Variants in NRG1 observed in about 807,000 individuals in gnomAD.
NRG1 encodes pro-neuregulin-1, membrane-bound isoform.
In NRG1, 18 loss-of-function variants were observed where a neutral mutation model predicts 63.8. The ratio of observed to expected loss-of-function variants is 0.28; its 90% CI spans 0.19 to 0.42. The LOEUF is 0.42. Ranked by LOEUF, NRG1 falls within the 10% of genes least tolerant of loss-of-function variation. NRG1 has a pLI of 1.00. For synonymous variants in NRG1, 302 were observed against 301.3 expected (o/e 1.00, Z -0.02); for missense variants, 762 against 814.7 (o/e 0.94, Z 0.79).
At chr8:31,660,656 A>G (rs1382560968) in intron 1 of NRG1, among the ~76,000 whole-genome samples, 1 of 152,224 alleles carries the variant, frequency 6.6e-6, no homozygotes, top group Non-Finnish European at 1.5e-5. Flanking sequence ...TAAATGGAAG[A>G]GAATTTATTT....
At chr8:31,974,132 A>C (rs983899063) in intron 1 of NRG1, among the ~76,000 whole-genome samples, 2 of 152,150 alleles carry the variant, frequency 1.3e-5, no homozygotes, top group East Asian at 3.9e-4. Flanking sequence ...GTTCATAGGC[A>C]AAACAAAACA....
chr8:32,506,197 A>G (rs765163071), intron 1 of NRG1, among the ~76,000 whole-genome samples: 27 of 152,170 alleles, frequency 1.8e-4, no homozygotes, highest in Middle Eastern at 3.2e-3. Flanking sequence ...TACAGTAGCT[A>G]TGGTCGCAAC....
chr8:32,582,260 G>C (rs1840804628), intron 1 of NRG1, among the ~76,000 whole-genome samples: 2 of 151,602 alleles, frequency 1.3e-5, no homozygotes, highest in South Asian at 4.2e-4. Context: ...ACCACACCTG[G>C]GTAATTTTTG....
At chr8:32,051,697 T>TACA (rs35685427) in intron 1 of NRG1, among the ~76,000 whole-genome samples, 24,081 of 151,346 alleles carry the variant, frequency 0.16, 2,241 homozygotes, top group Admixed American at 0.25. Flanking sequence ...GTTCAGGAAC[T>TACA]ACAACAACAA....
At chr8:31,804,130 G>A (rs1822052922) in intron 1 of NRG1, among the ~76,000 whole-genome samples, 1 of 152,122 alleles carries the variant, frequency 6.6e-6, no homozygotes, top group Non-Finnish European at 1.5e-5. Flanking sequence ...AGGTCTTGAT[G>A]TCTTTTCCAT....
chr8:31,918,538 C>A (rs546068189), intron 1 of NRG1, among the ~76,000 whole-genome samples: 4 of 152,264 alleles, frequency 2.6e-5, no homozygotes, highest in Non-Finnish European at 4.4e-5. Context: ...AGCCTTGCAT[C>A]CCAGGGATGA....
At chr8:32,732,473 T>A (rs1417465370) in intron 6 of NRG1, among the ~76,000 whole-genome samples, 1 of 152,192 alleles carries the variant, frequency 6.6e-6, no homozygotes, top group Non-Finnish European at 1.5e-5. Context: ...AAGTCCAACA[T>A]GTTGTCCAGT....
chr8:32,151,010 G>T (rs533074145), intron 1 of NRG1, among the ~76,000 whole-genome samples: 1 of 152,230 alleles, frequency 6.6e-6, no homozygotes, highest in African/African-American at 2.4e-5. Flanking sequence ...TAGGATAGGG[G>T]CCAGAAATAG....
intron 1 of NRG1, among the ~76,000 whole-genome samples, chr8:32,391,911 G>A (rs564188038): frequency 6.6e-6 from 1 of 152,272 alleles, no homozygotes; most frequent in South Asian, 2.1e-4. Context: ...ACTTAAAATA[G>A]TTATTTAAAA....
In NRG1 at chr8:32,674,188, G is replaced by A. The variant is rs191411549; in HGVS notation, c.503-53761G>A. ...GTTTTATTTTTTAACTGAAGAATTC[G>A]TGTTTTGACATATAAGGGGTTACCA... On this transcript the variant is annotated intron_variant, in intron 5 of 11. Transcript: ENST00000356819. 1.1e-4 allele frequency among the ~76,000 whole-genome samples: 17 copies of A among 152,174 alleles called. No individual in the cohort carries two copies. In the East Asian group the frequency reaches 1.7e-3, roughly 16 times the overall value.
At chr8:31,956,485 T>C (rs1366831791) in intron 1 of NRG1, among the ~76,000 whole-genome samples, 2 of 152,020 alleles carry the variant, frequency 1.3e-5, no homozygotes, top group African/African-American at 2.4e-5. Flanking sequence ...CCAGGCATTG[T>C]GGCGGGTGCC....
At chr8:31,858,623 A>G (rs1482503730) in intron 1 of NRG1, among the ~76,000 whole-genome samples, 2 of 152,182 alleles carry the variant, frequency 1.3e-5, no homozygotes, top group African/African-American at 2.4e-5. Flanking sequence ...AAAAATGTTC[A>G]TGGTCACTGC....
At chr8:32,000,462 T>G (rs1455339328) in intron 1 of NRG1, among the ~76,000 whole-genome samples, 1 of 151,886 alleles carries the variant, frequency 6.6e-6, no homozygotes, top group African/African-American at 2.4e-5. Context: ...AGATGGGACC[T>G]CACTCTCTTG....
At chr8:31,825,342 C>T (rs368564336) in intron 1 of NRG1, among the ~76,000 whole-genome samples, 7 of 151,394 alleles carry the variant, frequency 4.6e-5, no homozygotes, top group South Asian at 2.1e-4. Context: ...GAGCGGAGAT[C>T]GCACCACTGC....
At chr8:32,155,131 T>C (rs1307708229) in intron 1 of NRG1, among the ~76,000 whole-genome samples, 1 of 151,906 alleles carries the variant, frequency 6.6e-6, no homozygotes, top group Non-Finnish European at 1.5e-5. Flanking sequence ...CACTAAGCAA[T>C]GGATAATTAA....
At chr8:32,283,294 A>G (rs1853105921) in intron 1 of NRG1, among the ~76,000 whole-genome samples, 1 of 151,952 alleles carries the variant, frequency 6.6e-6, no homozygotes, top group African/African-American at 2.4e-5. Flanking sequence ...CCTTTAGGAG[A>G]CAAGTTTCTC....
intron 1 of NRG1, among the ~76,000 whole-genome samples, chr8:31,994,401 C>G (rs1353526709): frequency 6.6e-6 from 1 of 151,788 alleles, no homozygotes; most frequent in Non-Finnish European, 1.5e-5. Flanking sequence ...ACCTGCAATT[C>G]CAGCACTTTG....
At chr8:31,774,579 A>T (rs1462590470) in intron 1 of NRG1, among the ~76,000 whole-genome samples, 2 of 152,140 alleles carry the variant, frequency 1.3e-5, no homozygotes, top group Non-Finnish European at 2.9e-5. Context: ...AATCTTGTAG[A>T]TTCGGGATAT....
At chr8:32,648,431 G>A (rs773433654) in intron 5 of NRG1, 36 of 1,588,028 alleles carry the variant, frequency 2.3e-5, no homozygotes, top group Non-Finnish European at 3.0e-5. Context: ...GAATAAAAGG[G>A]GTGGGTTTGA....
Sources: gnomAD v4.1 joint callset for allele counts (sites outside exome capture counted in the v4.1 genomes callset) on GRCh38, gnomAD v4.1.1 for gene constraint, MANE v1.5 for transcripts, NCBI Gene and HGNC (gene_info 2026-07-23, HGNC 2026-07-21) for gene names.